FYN: variants seen among roughly 807,000 people sequenced by gnomAD.
FYN encodes FYN proto-oncogene, Src family tyrosine kinase.
Under a neutral mutation model 70.2 loss-of-function variants are expected in FYN, and 10 were observed. That is an observed-to-expected ratio of 0.14 (90% CI 0.09 to 0.24). The LOEUF (loss-of-function observed/expected upper bound fraction) is 0.24, where lower values mean the gene tolerates loss of function less well. Among genes scored for constraint, FYN ranks in the 10% least tolerant of loss-of-function variants. The pLI, the probability that FYN is intolerant of heterozygous loss-of-function variation, is 1.00. For missense variants in FYN, 319 were observed against 673.1 expected, an observed-to-expected ratio of 0.47 and a Z score of 5.82; for synonymous variants, 236 against 248.6, an observed-to-expected ratio of 0.95 and a Z score of 0.48.
intron 3 of FYN, among the ~76,000 whole-genome samples, chr6:111,769,343 G>C (rs991869754): frequency 3.3e-5 from 5 of 152,084 alleles, no homozygotes; most frequent in Non-Finnish European, 5.9e-5. Flanking sequence ...TACAGCTAAG[G>C]GTTTGTATTT....
rs11409465 is a variant in FYN, at chr6:111,764,216, CAAAAAAA to C, written c.-12+16343_-12+16349del. On this transcript the variant is annotated intron_variant, in intron 3 of 13. Transcript: ENST00000354650. ...AAATTGGTCACTGGATTTTGTCAAG[CAAAAAAA>C]AAAAAAAAAGAAAAGAAAAAAAAAG... 8.6e-5 allele frequency among the ~76,000 whole-genome samples: 5 copies of C among 58,382 alleles called. No homozygotes were observed. The Admixed American group carries it at 8.6e-4, about 10-fold the overall frequency. 38.3% of individuals were successfully genotyped at this position (58,382 alleles called of 152,430 possible). A position where few individuals can be genotyped will look rare whatever the true frequency, so the allele number is the denominator to read the frequency against.
intron 3 of FYN, among the ~76,000 whole-genome samples, chr6:111,751,789 CTTTT>C (rs1036079984): frequency 1.3e-5 from 2 of 151,178 alleles, no homozygotes; most frequent in Non-Finnish European, 3.0e-5. Flanking sequence ...TGTAAATAAT[CTTTT>C]TTTTTGGTAG....
chr6:111,741,793 T>G (rs145205306), intron 3 of FYN, among the ~76,000 whole-genome samples: 1 of 152,332 alleles, frequency 6.6e-6, no homozygotes, highest in East Asian at 1.9e-4. Flanking sequence ...GAAGGACTTG[T>G]GAAAACACAG....
At chr6:111,736,707 C>T (rs1328948777) in intron 3 of FYN, among the ~76,000 whole-genome samples, 1 of 152,186 alleles carries the variant, frequency 6.6e-6, no homozygotes, top group Non-Finnish European at 1.5e-5. Flanking sequence ...CAAAATGGTC[C>T]TGTGTACAAC....
intron 13 of FYN, among the ~76,000 whole-genome samples, chr6:111,668,048 C>T (rs1256501578): frequency 1.3e-5 from 2 of 152,256 alleles, no homozygotes; most frequent in Non-Finnish European, 2.9e-5. Context: ...GCTCCCCTTG[C>T]TTCTGTGCAT....
intron 2 of FYN, among the ~76,000 whole-genome samples, chr6:111,825,105 C>T (rs1772791466): frequency 1.3e-5 from 2 of 152,084 alleles, no homozygotes; most frequent in Admixed American, 1.3e-4. Context: ...GAATGGTGGT[C>T]CACAGGCCTT....
intron 1 of FYN, among the ~76,000 whole-genome samples, chr6:111,851,079 C>T (rs546442850): frequency 2.6e-5 from 4 of 152,286 alleles, no homozygotes; most frequent in South Asian, 2.1e-4. Flanking sequence ...GATATGTGCA[C>T]GTTCAAAATG....
chr6:111,822,251 T>C (rs62413710), intron 2 of FYN, among the ~76,000 whole-genome samples: 7,493 of 152,144 alleles, frequency 0.049, 415 homozygotes, highest in African/African-American at 0.14. Context: ...CAATGATAGA[T>C]TGGATGAAGA....
rs1241111106 is a variant in FYN at position 111,674,351 on chromosome 6, C to G, written c.1405+148G>C. 8.3e-6 allele frequency: 7 copies of G among 841,428 alleles called. No homozygotes were observed. The East Asian group carries it at 1.8e-4, about 22-fold the overall frequency. The allele number at this position is 841,428 out of a possible 1,614,324, so 52.1% of individuals were successfully genotyped here. On this transcript the variant is annotated intron_variant, in intron 13 of 13. Coordinates refer to ENST00000354650, the MANE Select transcript of FYN (RefSeq NM_002037.5). ...TGGTGGCTCCCAGTTCTGCTTTTCT[C>G]TCGCTGAATACCTGGCCATGTTCTT...
intron 2 of FYN, among the ~76,000 whole-genome samples, chr6:111,810,769 T>C (rs1228219017): frequency 6.6e-6 from 1 of 152,180 alleles, no homozygotes; most frequent in Non-Finnish European, 1.5e-5. Flanking sequence ...CAGAAATGAA[T>C]GCTGCCTGGG....
chr6:111,706,902 A>T (rs534542702), intron 6 of FYN, among the ~76,000 whole-genome samples: 2 of 152,352 alleles, frequency 1.3e-5, no homozygotes, highest in South Asian at 4.1e-4. Context: ...AGTCACTAGG[A>T]GAAAGAAACA....
chr6:111,681,032 A>T (rs974631662), intron 12 of FYN, among the ~76,000 whole-genome samples: 5 of 141,462 alleles, frequency 3.5e-5, no homozygotes, highest in Admixed American at 7.0e-5. Flanking sequence ...ATTTAATTTA[A>T]TTTTTTTTTT....
chr6:111,739,331 G>T (rs1477834991), intron 3 of FYN, among the ~76,000 whole-genome samples: 1 of 152,206 alleles, frequency 6.6e-6, no homozygotes, highest in African/African-American at 2.4e-5. Flanking sequence ...GAGAGGAAAT[G>T]GAGATGATGA....
intron 4 of FYN, among the ~76,000 whole-genome samples, chr6:111,715,687 T>C (rs1326749139): frequency 6.6e-6 from 1 of 152,178 alleles, no homozygotes; most frequent in African/African-American, 2.4e-5. Flanking sequence ...CTGCCAGCAC[T>C]ACATGAGTTT....
chr6:111,674,420 C>T, intron 13 of FYN, 79 bp downstream of exon 13: 1 of 1,484,268 alleles, frequency 6.7e-7, no homozygotes, highest in Non-Finnish European at 9.1e-7. Flanking sequence ...GCTTAGAAAG[C>T]AAAGTGGATG....
At chr6:111,781,260 C>T (rs1213159475) in intron 2 of FYN, among the ~76,000 whole-genome samples, 3 of 152,160 alleles carry the variant, frequency 2.0e-5, no homozygotes, top group African/African-American at 7.2e-5. Flanking sequence ...ACTAACACCG[C>T]CTTCTTCACC....
intron 2 of FYN, among the ~76,000 whole-genome samples, chr6:111,788,751 G>A (rs1441277047): frequency 1.3e-5 from 2 of 152,160 alleles, no homozygotes; most frequent in Non-Finnish European, 2.9e-5. Context: ...ATTAAACAAG[G>A]AAGCATACAA....
chr6:111,696,289 A>G lies in FYN; in HGVS notation c.1030T>C (p.Tyr344His). 3 of 1,609,846 alleles carry G rather than the reference A, an allele frequency of 1.9e-6. No homozygotes were observed. Among genetic ancestry groups the G allele is most frequent in the Non-Finnish European group, 1.7e-6 (2 of 1,178,018 alleles). The change falls in exon 10 of 14, where the codon TAT (tyrosine) becomes CAT (histidine). Residue 344 changes from tyrosine to histidine, a missense_variant. Around this residue, in one of 4 missense-constraint regions of FYN, gnomAD observed 112 missense variants for 250.2 expected, o/e 0.45. Transcript: ENST00000354650. The part of the protein sequence containing the change: ...SEEPIYIVTE[Y>H]MNKGSLLDFL... ...GGTGTTGCCCAACCTTTGTTCATAT[A>G]CTCGGTGACGATGTAGATGGGCTCC...
At chr6:111,716,102 C>CT (rs1554279083) in intron 4 of FYN, among the ~76,000 whole-genome samples, 1 of 152,230 alleles carries the variant, frequency 6.6e-6, no homozygotes, top group African/African-American at 2.4e-5. Context: ...CCTTCCAAAA[C>CT]TGTGTACTTG....
Sources: gnomAD v4.1 joint callset for allele counts (sites outside exome capture counted in the v4.1 genomes callset) on GRCh38, gnomAD v4.1.1 for gene constraint, gnomAD v4.1.1 regional missense constraint, MANE v1.5 for transcripts, NCBI Gene and HGNC (gene_info 2026-07-23, HGNC 2026-07-21) for gene names.